PTPRG: variants seen among roughly 807,000 people sequenced by gnomAD.
The protein encoded by PTPRG is protein tyrosine phosphatase receptor type G, also known as receptor-type tyrosine-protein phosphatase gamma.
In PTPRG, 102 loss-of-function variants were observed where a neutral mutation model predicts 165.3. The ratio of observed to expected loss-of-function variants is 0.62; its 90% confidence interval spans 0.53 to 0.73. The LOEUF is 0.73. Among genes scored for constraint, PTPRG ranks in the 30% least tolerant of loss-of-function variants. The pLI is 0.00. For missense variants in PTPRG, 1,866 were observed against 1,861.4 expected (o/e 1.00, Z -0.05); for synonymous variants, 675 against 669.5 (o/e 1.01, Z -0.13).
At chr3:61,683,865 C>T (rs565584028) in intron 1 of PTPRG, among the ~76,000 whole-genome samples, 27 of 152,238 alleles carry the variant, frequency 1.8e-4, no homozygotes, top group Admixed American at 1.2e-3. Context: ...CGAGTCTAGG[C>T]GTTTAATAAT....
Position 61,562,391 on chromosome 3 carries a change from G to A in PTPRG, c.85+19G>A. 6.2e-7 allele frequency: 1 copy of A among 1,611,852 alleles called. No individual in the cohort carries two copies. The highest frequency in any genetic ancestry group is 8.5e-7 in the Non-Finnish European group (1 of 1,178,424). On this transcript the variant is annotated intron_variant, in intron 1 of 29. Transcript: ENST00000474889. ...TTCCCCGGTGAGTGCCGGCCGCCGA[G>A]GGGATGCGGCCCCGGCCGGCGCGCG... is the stretch of plus-strand genomic sequence containing the variant.
At chr3:62,105,859 C>A (rs116524005) in intron 5 of PTPRG, among the ~76,000 whole-genome samples, 1 of 152,176 alleles carries the variant, frequency 6.6e-6, no homozygotes, top group Non-Finnish European at 1.5e-5. Context: ...GTCATTAAAT[C>A]ATTCACTTAA....
chr3:62,168,822 C>T (rs1288279211), intron 8 of PTPRG, among the ~76,000 whole-genome samples: 1 of 152,168 alleles, frequency 6.6e-6, no homozygotes, highest in Non-Finnish European at 1.5e-5. Context: ...TACCCAGGTC[C>T]TTGTCTGGCG....
chr3:62,135,005 G>A (rs573487903), intron 6 of PTPRG, among the ~76,000 whole-genome samples: 2 of 152,280 alleles, frequency 1.3e-5, no homozygotes, highest in East Asian at 3.9e-4. Flanking sequence ...AGGGGCAGTG[G>A]CTCATGCCTA....
Position 62,233,694 on chromosome 3 carries a change from C to T in PTPRG, c.2375+2383C>T, listed in dbSNP as rs1559686317. On this transcript the variant is annotated intron_variant, in intron 14 of 29. Transcript: ENST00000474889. This position sits in a 1 kb window ranked among gnomAD's most constrained non-coding sequence, Gnocchi z 4.7. Reference sequence around the variant, plus strand: ...CTTCATGTGGCATTACTCTTCTGCCCCTGTCATCTCCCTGTCCCACAGCAG... The same window carrying T: ...CTTCATGTGGCATTACTCTTCTGCCTCTGTCATCTCCCTGTCCCACAGCAG... Among the ~76,000 whole-genome samples, 1 of 152,106 alleles carries T rather than the reference C, an allele frequency of 6.6e-6. No homozygotes were observed. Among genetic ancestry groups the T allele is most frequent in the Non-Finnish European group, 1.5e-5 (1 of 68,014 alleles).
chr3:62,021,126 G>A (rs775236744), intron 4 of PTPRG, among the ~76,000 whole-genome samples: 13 of 138,724 alleles, frequency 9.4e-5, no homozygotes, highest in Admixed American at 4.8e-4. Context: ...GAATACCTGC[G>A]TGATAAGAGT....
At chr3:62,250,797 G>T (rs1701393158) in intron 15 of PTPRG, among the ~76,000 whole-genome samples, 1 of 152,114 alleles carries the variant, frequency 6.6e-6, no homozygotes, top group Non-Finnish European at 1.5e-5. Context: ...CCTCTTCTGA[G>T]GCTCTGCTTT....
At chr3:61,926,439 TC>T (rs1174295647) in intron 2 of PTPRG, among the ~76,000 whole-genome samples, 2 of 152,034 alleles carry the variant, frequency 1.3e-5, no homozygotes, top group African/African-American at 2.4e-5. Context: ...TTCACCTTCC[TC>T]CATGATTGTA....
chr3:61,749,798 T>G (rs2033359396), intron 2 of PTPRG: 1 of 152,526 alleles, frequency 6.6e-6, no homozygotes, highest in Admixed American at 6.5e-5. Flanking sequence ...TTCAAACTCC[T>G]TCTATGAAAG....
At chr3:61,863,288 C>T (rs1200953502) in intron 2 of PTPRG, among the ~76,000 whole-genome samples, 1 of 152,220 alleles carries the variant, frequency 6.6e-6, no homozygotes, top group African/African-American at 2.4e-5. Flanking sequence ...TCATCTGCCT[C>T]ACCTGTATGC....
chr3:61,788,309 G>T (rs1469016307), intron 2 of PTPRG, among the ~76,000 whole-genome samples: 1 of 152,206 alleles, frequency 6.6e-6, no homozygotes, highest in East Asian at 1.9e-4. Flanking sequence ...CAGGGTTACA[G>T]AGGGAACTAA....
At chr3:61,993,003 A>G (rs949454685) in intron 3 of PTPRG, among the ~76,000 whole-genome samples, 7 of 152,054 alleles carry the variant, frequency 4.6e-5, no homozygotes, top group African/African-American at 1.2e-4. Context: ...TAGTTCATAA[A>G]TTTTTTAGAA....
intron 1 of PTPRG, among the ~76,000 whole-genome samples, chr3:61,726,553 C>T (rs996734778): frequency 6.6e-6 from 1 of 152,008 alleles, no homozygotes; most frequent in African/African-American, 2.4e-5. Flanking sequence ...ATAAGATAAC[C>T]ACAAAGCCAT....
At chr3:61,587,493 CAG>C (rs1368348428) in intron 1 of PTPRG, among the ~76,000 whole-genome samples, 1 of 151,990 alleles carries the variant, frequency 6.6e-6, no homozygotes, top group African/African-American at 2.4e-5. Context: ...TTCCTCAAAA[CAG>C]GGACTTTCTC....
intron 2 of PTPRG, among the ~76,000 whole-genome samples, chr3:61,822,054 C>T (rs905384646): frequency 6.6e-6 from 1 of 152,194 alleles, no homozygotes; most frequent in African/African-American, 2.4e-5. Flanking sequence ...AAGTAACTTG[C>T]CTAAGTAATT....
rs190569553 is a variant in PTPRG at position 62,135,573 on chromosome 3, G to A, written c.682+2905G>A. Reference sequence around the variant, plus strand: ...AAGCATCTTAAATGTTTCTTCAGCTGAAATGTGAAGGAATAACCTGCTCAT... The same window carrying A: ...AAGCATCTTAAATGTTTCTTCAGCTAAAATGTGAAGGAATAACCTGCTCAT... On this transcript the variant is annotated intron_variant, in intron 6 of 29. Transcript: ENST00000474889. 1.4e-3 allele frequency among the ~76,000 whole-genome samples: 207 copies of A among 152,228 alleles called. 1 individual carries two copies. Among genetic ancestry groups the A allele is most frequent in the Admixed American group, 9.4e-3 (144 of 15,292 alleles).
chr3:61,592,817 T>C (rs1016928085), intron 1 of PTPRG, among the ~76,000 whole-genome samples: 7 of 152,218 alleles, frequency 4.6e-5, no homozygotes, highest in South Asian at 2.1e-4. Flanking sequence ...ACATCCATTT[T>C]CCCCCACAAG....
rs141454213 is a variant in PTPRG at position 61,903,293 on chromosome 3, G to A, written c.191-86332G>A. Among the ~76,000 whole-genome samples, 37 of 152,308 alleles carry A rather than the reference G, an allele frequency of 2.4e-4. No individual in the cohort carries two copies. The East Asian group carries it at 7.0e-3, about 29-fold the overall frequency. On this transcript the variant is annotated intron_variant, in intron 2 of 29. Coordinates refer to ENST00000474889, the MANE Select transcript of PTPRG (RefSeq NM_002841.4). ...ATTTACCACCTCAGGCTTTCTGCAT[G>A]ACACTGCTTTACATCTGCTCCTCTG...
At chr3:62,151,032 A>G (rs1302169390) in intron 6 of PTPRG, among the ~76,000 whole-genome samples, 1 of 152,232 alleles carries the variant, frequency 6.6e-6, no homozygotes, top group East Asian at 1.9e-4. Context: ...AATGCAATCA[A>G]TCAGCTGATT....
Sources: allele counts gnomAD v4.1 joint callset (sites outside exome capture counted in the v4.1 genomes callset), GRCh38; gene constraint gnomAD v4.1.1; non-coding constraint Gnocchi (gnomAD v3.1); transcripts MANE v1.5; gene names NCBI Gene and HGNC (gene_info 2026-07-23, HGNC 2026-07-21).